Variants in AGBL4 observed in about 807,000 individuals in gnomAD.
AGBL4 encodes the protein cytosolic carboxypeptidase 6.
A neutral mutation model predicts 66.4 loss-of-function variants in AGBL4; 58 were observed. That is an observed-to-expected ratio of 0.87 (90% CI 0.71 to 1.09). AGBL4 has a LOEUF of 1.09. AGBL4 is among the 50% of genes least tolerant of loss of function. The pLI, the probability that AGBL4 is intolerant of heterozygous loss-of-function variation, is 0.00. For synonymous variants in AGBL4, 234 were observed against 222.9 expected (o/e 1.05, Z -0.44); for missense variants, 579 against 631.0 (o/e 0.92, Z 0.88).
At chr1:48,882,458 G>A (rs1485084911) in intron 5 of AGBL4, among the ~76,000 whole-genome samples, 1 of 152,052 alleles carries the variant, frequency 6.6e-6, no homozygotes. Context: ...ATACACTCAT[G>A]TTGTTAAATG....
intron 3 of AGBL4, among the ~76,000 whole-genome samples, chr1:49,312,026 G>T (rs1644949582): frequency 6.6e-6 from 1 of 151,914 alleles, no homozygotes; most frequent in Non-Finnish European, 1.5e-5. Flanking sequence ...TAAAACTTTT[G>T]AACATCAACA....
At chr1:48,660,630 C>T (rs534215322) in intron 7 of AGBL4, among the ~76,000 whole-genome samples, 19 of 152,266 alleles carry the variant, frequency 1.2e-4, no homozygotes, top group African/African-American at 4.3e-4. Flanking sequence ...GGTAATGATG[C>T]CTCTTACACT....
intron 4 of AGBL4, among the ~76,000 whole-genome samples, chr1:49,141,990 C>T (rs980157148): frequency 1.8e-4 from 27 of 152,136 alleles, no homozygotes; most frequent in Admixed American, 2.6e-4. Context: ...CCACACAGCA[C>T]GAGGTGGTGG....
intron 9 of AGBL4, among the ~76,000 whole-genome samples, chr1:48,617,811 C>T (rs951636095): frequency 2.2e-4 from 34 of 152,314 alleles, no homozygotes; most frequent in African/African-American, 7.2e-4. Flanking sequence ...CTCTGCTCTA[C>T]CCTTCATTCC....
At chr1:49,635,124 AAAATGGAAAACTGAAAGGCCTC>A (rs1645646360) in intron 3 of AGBL4, among the ~76,000 whole-genome samples, 7 of 152,198 alleles carry the variant, frequency 4.6e-5, no homozygotes, top group Non-Finnish European at 7.3e-5. Context: ...CTTGAATGAC[AAAATGGAAAACTGAAAGGCCTC>A]AAACACAAAG....
chr1:49,862,274 C>T (rs1236630430), intron 1 of AGBL4, among the ~76,000 whole-genome samples: 1 of 150,734 alleles, frequency 6.6e-6, no homozygotes, highest in African/African-American at 2.4e-5. Context: ...CATCAGGGTT[C>T]TTCAATAGCA....
At chr1:49,536,038 C>T (rs1651555916) in intron 3 of AGBL4, among the ~76,000 whole-genome samples, 1 of 152,024 alleles carries the variant, frequency 6.6e-6, no homozygotes, top group Admixed American at 6.6e-5. Context: ...TTTTTGAGTT[C>T]CTTTTAGTAG....
intron 3 of AGBL4, among the ~76,000 whole-genome samples, chr1:49,350,496 C>G (rs1388007513): frequency 6.6e-6 from 1 of 152,204 alleles, no homozygotes; most frequent in Non-Finnish European, 1.5e-5. Flanking sequence ...AGCCACCGCG[C>G]CCGGCCCTGA....
intron 5 of AGBL4, among the ~76,000 whole-genome samples, chr1:49,037,205 G>A (rs1407651195): frequency 6.6e-6 from 1 of 152,044 alleles, no homozygotes; most frequent in Non-Finnish European, 1.5e-5. Context: ...GAAGTGTTAA[G>A]ATCAGAGAGG....
intron 4 of AGBL4, among the ~76,000 whole-genome samples, chr1:49,061,976 C>G (rs1037656353): frequency 6.6e-6 from 1 of 152,150 alleles, no homozygotes; most frequent in African/African-American, 2.4e-5. Flanking sequence ...TGTGGGCGAG[C>G]AAGCGTTACT....
rs74081040 is a variant in AGBL4 at position 49,735,298 on chromosome 1, T to G, written c.158-37861A>C. ...AAACAAAGAGGTAGAGGTGTGTGGG[T>G]GTGTGTGTGTGTGTGTGTGTGTGTG... is the stretch of plus-strand genomic sequence containing the variant. On this transcript the variant is annotated intron_variant, in intron 2 of 13. Coordinates refer to ENST00000371839, the MANE Select transcript of AGBL4 (RefSeq NM_032785.4). 3.5e-3 allele frequency among the ~76,000 whole-genome samples: 245 copies of G among 70,014 alleles called. No individual in the cohort carries two copies. In the South Asian group the frequency reaches 0.064, roughly 18 times the overall value. The allele number at this position is 70,014 out of a possible 152,430, so 45.9% of individuals were successfully genotyped here. A position where few individuals can be genotyped will look rare whatever the true frequency, so the allele number is the denominator to read the frequency against.
chr1:49,905,373 A>G (rs1423439837), intron 1 of AGBL4, among the ~76,000 whole-genome samples: 1 of 152,138 alleles, frequency 6.6e-6, no homozygotes, highest in Admixed American at 6.6e-5. Flanking sequence ...AAATAATCAC[A>G]TGATTACCCT....
chr1:49,866,772 A>G (rs998510588), intron 1 of AGBL4, among the ~76,000 whole-genome samples: 3 of 152,114 alleles, frequency 2.0e-5, no homozygotes, highest in African/African-American at 7.2e-5. Context: ...CTTAAATTAA[A>G]AAAAAGACTT....
At chr1:49,821,633 G>A (rs1483122668) in intron 2 of AGBL4, among the ~76,000 whole-genome samples, 2 of 152,162 alleles carry the variant, frequency 1.3e-5, no homozygotes, top group Admixed American at 6.5e-5. Flanking sequence ...GGAGTAAGGA[G>A]GCATCAAGGA....
At chr1:49,541,747 G>C (rs1207961414) in intron 3 of AGBL4, among the ~76,000 whole-genome samples, 1 of 152,244 alleles carries the variant, frequency 6.6e-6, no homozygotes, top group African/African-American at 2.4e-5. Flanking sequence ...TGTGGCCCCT[G>C]TGCAGGATCC....
chr1:48,760,475 C>T (rs747255189), intron 6 of AGBL4, among the ~76,000 whole-genome samples: 18 of 152,232 alleles, frequency 1.2e-4, no homozygotes, highest in Non-Finnish European at 1.3e-4. Context: ...GTTTTATCTG[C>T]TGAGATAAGG....
intron 3 of AGBL4, among the ~76,000 whole-genome samples, chr1:49,257,030 G>A (rs1195129628): frequency 1.3e-5 from 2 of 150,704 alleles, no homozygotes; most frequent in East Asian, 3.9e-4. Context: ...TGGACTCAAA[G>A]TATGTACAGT....
intron 1 of AGBL4, among the ~76,000 whole-genome samples, chr1:49,856,471 A>C (rs1646436028): frequency 6.6e-6 from 1 of 152,166 alleles, no homozygotes; most frequent in African/African-American, 2.4e-5. Context: ...AGAATCAAAA[A>C]TTATCAACAA....
At chr1:48,633,613 C>G (rs971179663) in intron 9 of AGBL4, among the ~76,000 whole-genome samples, 1 of 152,196 alleles carries the variant, frequency 6.6e-6, no homozygotes, top group African/African-American at 2.4e-5. Context: ...TCTTAGGCAG[C>G]TATAGTTGTT....
Sources: gnomAD v4.1 joint callset for allele counts (sites outside exome capture counted in the v4.1 genomes callset) on GRCh38, gnomAD v4.1.1 for gene constraint, MANE v1.5 for transcripts, NCBI Gene and HGNC (gene_info 2026-07-23, HGNC 2026-07-21) for gene names.